The following PLCL1 variants were observed in gnomAD, a reference collection of about 807,000 sequenced individuals.
PLCL1 encodes the protein inactive phospholipase C-like protein 1.
A neutral mutation model predicts 84.4 loss-of-function variants in PLCL1; 41 were observed. That is an observed-to-expected ratio of 0.49 (90% CI 0.38 to 0.63). The LOEUF (loss-of-function observed/expected upper bound fraction) is 0.63, where lower values mean the gene tolerates loss of function less well. Ranked by LOEUF, PLCL1 falls within the 30% of genes least tolerant of loss-of-function variation. The pLI, the probability that PLCL1 is intolerant of heterozygous loss-of-function variation, is 0.00. For synonymous variants in PLCL1, 490 were observed against 488.3 expected, an observed-to-expected ratio of 1.00 and a Z score of -0.05; for missense variants, 1,206 against 1,367.8, an observed-to-expected ratio of 0.88 and a Z score of 1.87.
At chr2:197,902,048 G>T (rs997977377) in intron 1 of PLCL1, among the ~76,000 whole-genome samples, 1 of 152,034 alleles carries the variant, frequency 6.6e-6, no homozygotes, top group African/African-American at 2.4e-5. Context: ...TATTTTTAGA[G>T]GGAAAAAAGG....
At chr2:198,001,086 G>C (rs570967620) in intron 1 of PLCL1, among the ~76,000 whole-genome samples, 2 of 152,274 alleles carry the variant, frequency 1.3e-5, no homozygotes, top group East Asian at 1.9e-4. Context: ...AGGAATAATA[G>C]CCTCCTCATG....
intron 1 of PLCL1, among the ~76,000 whole-genome samples, chr2:197,893,634 G>C (rs1688074014): frequency 6.6e-6 from 1 of 152,192 alleles, no homozygotes; most frequent in African/African-American, 2.4e-5. Flanking sequence ...GCAAGTCACA[G>C]TGAATGCCTG....
intron 1 of PLCL1, among the ~76,000 whole-genome samples, chr2:197,864,433 T>C (rs1687491244): frequency 6.6e-6 from 1 of 151,802 alleles, no homozygotes; most frequent in Non-Finnish European, 1.5e-5. Context: ...TATTCTATAA[T>C]AGTAATTTAA....
chr2:197,845,367 G>T (rs1687100067), intron 1 of PLCL1, among the ~76,000 whole-genome samples: 1 of 152,108 alleles, frequency 6.6e-6, no homozygotes, highest in Non-Finnish European at 1.5e-5. Flanking sequence ...TAGGAAGAAA[G>T]ATAGGACATT....
At chr2:197,833,942 A>G (rs1691127016) in intron 1 of PLCL1, among the ~76,000 whole-genome samples, 1 of 152,226 alleles carries the variant, frequency 6.6e-6, no homozygotes, top group Non-Finnish European at 1.5e-5. Flanking sequence ...TAACCAAAAC[A>G]GCATGGTACT....
At chr2:197,950,811 T>C (rs1689376138) in intron 1 of PLCL1, among the ~76,000 whole-genome samples, 1 of 152,186 alleles carries the variant, frequency 6.6e-6, no homozygotes, top group Non-Finnish European at 1.5e-5. Context: ...ACCTTTTGAC[T>C]TCACTAGAGC....
intron 1 of PLCL1, among the ~76,000 whole-genome samples, chr2:198,064,439 T>C (rs1692278060): frequency 6.6e-6 from 1 of 152,210 alleles, no homozygotes; most frequent in African/African-American, 2.4e-5. Context: ...ATTTTGTCCA[T>C]ATTACCAGTG....
intron 1 of PLCL1, among the ~76,000 whole-genome samples, chr2:197,945,759 G>A (rs1689259184): frequency 6.6e-6 from 1 of 152,148 alleles, no homozygotes; most frequent in South Asian, 2.1e-4. Context: ...TATACTTTGT[G>A]AAGCATAATA....
At chr2:197,911,913 G>C (rs1688491216) in intron 1 of PLCL1, among the ~76,000 whole-genome samples, 1 of 152,188 alleles carries the variant, frequency 6.6e-6, no homozygotes. Context: ...ATGCATAGGA[G>C]TCTCTGGAAA....
chr2:198,102,847 A>G (rs1693378986), intron 4 of PLCL1, among the ~76,000 whole-genome samples: 1 of 152,094 alleles, frequency 6.6e-6, no homozygotes, highest in Admixed American at 6.6e-5. Flanking sequence ...GATGTCAGTC[A>G]TAGCTTTCTG....
chr2:197,822,019 T>C (rs574348692), intron 1 of PLCL1, among the ~76,000 whole-genome samples: 1 of 152,268 alleles, frequency 6.6e-6, no homozygotes, highest in South Asian at 2.1e-4. Context: ...TATGAGCCAG[T>C]TGGCTTCAAA....
intron 5 of PLCL1, among the ~76,000 whole-genome samples, chr2:198,116,385 G>A (rs1693748923): frequency 6.6e-6 from 1 of 151,564 alleles, no homozygotes; most frequent in Non-Finnish European, 1.5e-5. Flanking sequence ...ATACATTATT[G>A]ATACTTTTAG....
intron 1 of PLCL1, among the ~76,000 whole-genome samples, chr2:197,993,822 G>A (rs1690399113): frequency 6.6e-6 from 1 of 152,178 alleles, no homozygotes; most frequent in Admixed American, 6.5e-5. Flanking sequence ...TTTCCATCAA[G>A]GTCAGTCTCT....
At chr2:198,072,254 C>G (rs1272981391) in intron 1 of PLCL1, among the ~76,000 whole-genome samples, 13 of 151,668 alleles carry the variant, frequency 8.6e-5, no homozygotes, top group Admixed American at 8.5e-4. Flanking sequence ...TCCTCTCACC[C>G]CCATTCACCC....
chr2:198,102,539 C>T (rs1212072181), intron 4 of PLCL1, among the ~76,000 whole-genome samples: 3 of 152,034 alleles, frequency 2.0e-5, no homozygotes, highest in Non-Finnish European at 4.4e-5. Flanking sequence ...CTCATGTAGG[C>T]TTCTCCAAGC....
intron 1 of PLCL1, among the ~76,000 whole-genome samples, chr2:197,939,115 C>A (rs974417626): frequency 8.5e-5 from 13 of 152,246 alleles, no homozygotes; most frequent in Admixed American, 5.9e-4. Context: ...TGGGATGAAG[C>A]AATGTTCTCA....
chr2:198,070,195 T>C (rs1692426952), intron 1 of PLCL1, among the ~76,000 whole-genome samples: 1 of 152,202 alleles, frequency 6.6e-6, no homozygotes. Context: ...TAATTCTTAC[T>C]GAGCCCAATA....
intron 5 of PLCL1, among the ~76,000 whole-genome samples, chr2:198,115,674 C>T (rs916752274): frequency 2.6e-5 from 4 of 151,658 alleles, no homozygotes; most frequent in African/African-American, 9.7e-5. Context: ...TGGCAGAAGA[C>T]GGAAGAAGAG....
chr2:197,903,116 TGTTA>T (rs1688299803), intron 1 of PLCL1, among the ~76,000 whole-genome samples: 4 of 152,152 alleles, frequency 2.6e-5, no homozygotes, highest in Non-Finnish European at 5.9e-5. Context: ...TATTAGCCTT[TGTTA>T]GTTAGGCGAA....
Sources: allele counts gnomAD v4.1 joint callset (sites outside exome capture counted in the v4.1 genomes callset), GRCh38; gene constraint gnomAD v4.1.1; transcripts MANE v1.5; gene names NCBI Gene and HGNC (gene_info 2026-07-23, HGNC 2026-07-21).